The following H6PD variants were observed in gnomAD, a reference collection of about 807,000 sequenced individuals.
H6PD encodes GDH/6PGL endoplasmic bifunctional protein.
In H6PD, 48 loss-of-function variants were observed where a neutral mutation model predicts 61.2. The ratio of observed to expected loss-of-function variants is 0.78; its 90% CI spans 0.62 to 1.00. The LOEUF (loss-of-function observed/expected upper bound fraction) is 1.00, where lower values mean the gene tolerates loss of function less well. H6PD is among the 50% of genes least tolerant of loss of function. H6PD has a pLI of 0.00. For missense variants in H6PD, 1,093 were observed against 1,065.0 expected (o/e 1.03, Z -0.37); for synonymous variants, 480 against 457.9 (o/e 1.05, Z -0.62).
chr1:9,264,785 G>A lies in H6PD; in HGVS notation c.2292G>A (p.Glu764=), dbSNP rs1638498615. Reference sequence around the variant, plus strand: ...CGCTGGTGAGCCGGGTGGGCCATGAGCCCAAGAAGTGGCCCATCTCGGGTG... The same window carrying A: ...CGCTGGTGAGCCGGGTGGGCCATGAACCCAAGAAGTGGCCCATCTCGGGTG... ...ITTLVSRVGH[E]PKKWPISGVL... is the part of the protein sequence containing the mutation. Residue 764 remains glutamate (E), a synonymous_variant, in exon 5 of 5, where the codon GAG becomes GAA. Coordinates refer to ENST00000377403, the MANE Select transcript of H6PD (RefSeq NM_004285.4). 3 of 1,612,970 alleles carry A rather than the reference G, an allele frequency of 1.9e-6. No homozygotes were observed. Among genetic ancestry groups the A allele is most frequent in the African/African-American group, 1.3e-5 (1 of 74,954 alleles).
chr1:9,250,004 G>A (rs1015364027), intron 3 of H6PD, among the ~76,000 whole-genome samples: 1 of 152,200 alleles, frequency 6.6e-6, no homozygotes, highest in African/African-American at 2.4e-5. Flanking sequence ...GTACAGCCCT[G>A]CTGGCCCAAG....
Position 9,264,618 on chromosome 1 carries a change from G to A in H6PD, c.2125G>A (p.Gly709Ser). The A allele has an allele frequency of 6.2e-7, 1 of 1,613,088 alleles. No individual in the cohort carries two copies. Among genetic ancestry groups the A allele is most frequent in the East Asian group, 2.2e-5 (1 of 44,888 alleles). Residue 709 changes from glycine (G) to serine (S), a missense_variant, in exon 5 of 5, where the codon GGC (glycine) becomes AGC (serine). By Grantham distance (56) the Gly-to-Ser change is moderately conservative. Transcript: ENST00000377403. The part of the protein sequence containing the change: ...TASLFPQSPT[G>S]LDGEQLVVLT... Reference sequence around the variant, plus strand: ...CTCCCTCTTCCCACAGTCACCCACTGGCCTGGATGGCGAGCAGCTGGTCGT... The same window carrying A: ...CTCCCTCTTCCCACAGTCACCCACTAGCCTGGATGGCGAGCAGCTGGTCGT...
chr1:9,235,470 C>T (rs1428111873), intron 1 of H6PD, among the ~76,000 whole-genome samples: 2 of 152,122 alleles, frequency 1.3e-5, no homozygotes, highest in African/African-American at 4.8e-5. Context: ...GAAGTGAGAA[C>T]TTCTGGAAAG....
At chr1:9,260,967 C>T (rs527802566) in intron 3 of H6PD, among the ~76,000 whole-genome samples, 98 of 152,168 alleles carry the variant, frequency 6.4e-4, no homozygotes, top group Non-Finnish European at 1.3e-3. Flanking sequence ...ATGTTGGGGG[C>T]CTCCATTTTG....
intron 3 of H6PD, among the ~76,000 whole-genome samples, chr1:9,259,985 T>C (rs534271917): frequency 1.3e-5 from 2 of 152,162 alleles, no homozygotes; most frequent in East Asian, 1.9e-4. Flanking sequence ...ATGTTGTTGT[T>C]ACACTGGTAT....
Position 9,245,949 on chromosome 1 carries a change from CT to C in H6PD, c.627+402del, listed in dbSNP as rs764711857. ...GCTCTCTTCTCCTGCACCCATCCACCTTTTTTTTTTTTTTAGACAGAGTCTG... is the reference window on the plus strand; with the variant it reads ...GCTCTCTTCTCCTGCACCCATCCACCTTTTTTTTTTTTTAGACAGAGTCTG... On this transcript the variant is annotated intron_variant, in intron 2 of 4. Coordinates refer to ENST00000377403, the MANE Select transcript of H6PD (RefSeq NM_004285.4). The surrounding 1 kb of genome is among the most constrained non-coding windows in gnomAD (Gnocchi z 4.8). Among the ~76,000 whole-genome samples, 3,545 of 142,466 alleles carry C rather than the reference CT, an allele frequency of 0.025. 217 individuals carry two copies. In the East Asian group the frequency reaches 0.26, roughly 11 times the overall value. 93.5% of individuals were successfully genotyped at this position (142,466 alleles called of 152,430 possible).
intron 3 of H6PD, among the ~76,000 whole-genome samples, chr1:9,248,465 T>C (rs1641255262): frequency 6.6e-6 from 1 of 152,040 alleles, no homozygotes; most frequent in Non-Finnish European, 1.5e-5. Context: ...TCACGGGTGC[T>C]GTGGGGGGTG....
Position 9,245,127 on chromosome 1 carries a change from G to C in H6PD, c.193G>C (p.Ala65Pro). 1 of 1,614,188 alleles carries C rather than the reference G, an allele frequency of 6.2e-7. No homozygotes were observed. Among genetic ancestry groups the C allele is most frequent in the Admixed American group, 1.7e-5 (1 of 60,014 alleles). The change falls in exon 2 of 5, where the codon GCT (alanine) becomes CCT (proline). Residue 65 changes from alanine (A) to proline (P), a missense_variant. Transcript: ENST00000377403. This position sits in a 1 kb window ranked among gnomAD's most constrained non-coding sequence, Gnocchi z 4.8. The part of the protein sequence containing the change: ...GRGHSFSFHG[A>P]ALTAPKQGQE... ...GGGTCACAGTTTTAGCTTCCATGGAGCTGCTCTGACAGCCCCCAAGCAGGG... is the reference window on the plus strand; with the variant it reads ...GGGTCACAGTTTTAGCTTCCATGGACCTGCTCTGACAGCCCCCAAGCAGGG...
intron 3 of H6PD, among the ~76,000 whole-genome samples, chr1:9,255,061 A>G (rs754779548): frequency 4.6e-5 from 7 of 152,208 alleles, no homozygotes; most frequent in Non-Finnish European, 8.8e-5. Flanking sequence ...ATCTTATTGT[A>G]TAGATATACC....
At position 9,264,834 on chromosome 1, in the gene H6PD, G is replaced by C. The variant is rs761360706; in HGVS notation, c.2341G>C (p.Val781Leu). Residue 781 changes from valine (V) to leucine (L), a missense_variant, in exon 5 of 5, where the codon GTG (valine) becomes CTG (leucine). Val to Leu is a conservative substitution (Grantham distance 32). Transcript: ENST00000377403. ...TGTCCTGCCGCACTCCGGCCAGCTG[G>C]TGTGGTACATGGACTACGACGCCTT... is the stretch of plus-strand genomic sequence containing the variant. ...SGVLPHSGQL[V>L]WYMDYDAFLG 100 of 1,612,418 alleles carry C rather than the reference G, an allele frequency of 6.2e-5. No individual in the cohort carries two copies. Among genetic ancestry groups the C allele is most frequent in the Non-Finnish European group, 2.4e-5 (28 of 1,180,030 alleles).
rs141034012 is a variant in H6PD, at chr1:9,263,989, G to A, written c.1496G>A (p.Arg499His). ...GAGAGCCTGGCCCATAAGGCCCCACGCCTCTACCCTGGAGGAGCTGAGAAT... is the reference window on the plus strand; with the variant it reads ...GAGAGCCTGGCCCATAAGGCCCCACACCTCTACCCTGGAGGAGCTGAGAAT... Reference protein sequence around the residue: ...LLESLAHKAPRLYPGGAENGR... With the variant: ...LLESLAHKAPHLYPGGAENGR... Residue 499 changes from arginine (R) to histidine (H), a missense_variant, in exon 5 of 5, where the codon CGC (arginine) becomes CAC (histidine). Coordinates refer to ENST00000377403, the MANE Select transcript of H6PD (RefSeq NM_004285.4). 643 of 1,614,068 alleles carry A rather than the reference G, an allele frequency of 4.0e-4. 1 individual carries two copies. Among genetic ancestry groups the A allele is most frequent in the South Asian group, 5.3e-4 (48 of 91,090 alleles).
rs148642466 is a variant in H6PD at position 9,245,726 on chromosome 1, GAC to G, written c.627+167_627+168del. 6.6e-5 allele frequency among the ~76,000 whole-genome samples: 10 copies of G among 152,328 alleles called. No individual in the cohort carries two copies. In the East Asian group the frequency reaches 1.9e-3, roughly 29 times the overall value. The stretch of plus-strand genomic sequence containing the variant: ...GCAGGAGGCGAGCGGGTAAAGGAAA[GAC>G]AGCAGCAGGGCAGGACTGTTGGGTC... On this transcript the variant is annotated intron_variant, in intron 2 of 4. Transcript: ENST00000377403. This position sits in a 1 kb window ranked among gnomAD's most constrained non-coding sequence, Gnocchi z 4.8.
Position 9,245,607 on chromosome 1 carries a change from C to T in H6PD, c.627+46C>T, listed in dbSNP as rs142705762. The T allele has an allele frequency of 1.4e-3, 2,222 of 1,591,228 alleles. 25 individuals carry two copies. In the African/African-American group the frequency reaches 0.026, roughly 19 times the overall value. ...TGCCAGGGCTAGGGTGAGCTGGGCGCTGGTAGACCCCAGCAACAAAGCCGC... is the reference window on the plus strand; with the variant it reads ...TGCCAGGGCTAGGGTGAGCTGGGCGTTGGTAGACCCCAGCAACAAAGCCGC... On this transcript the variant is annotated intron_variant, in intron 2 of 4. Transcript: ENST00000377403. The surrounding 1 kb of genome is among the most constrained non-coding windows in gnomAD (Gnocchi z 4.8).
Position 9,263,777 on chromosome 1 carries a change from G to A in H6PD, c.1284G>A (p.Lys428=), listed in dbSNP as rs774483435. The change falls in exon 5 of 5, where the codon AAG becomes AAA. Residue 428 remains lysine (K), a synonymous_variant. Transcript: ENST00000377403. The part of the protein sequence containing the change: ...LFRPSLPSSW[K]EMEGPPGLRL... ...GGCCCTCCCTGCCCTCCAGCTGGAA[G>A]GAAATGGAGGGACCACCTGGGCTCC... is the stretch of plus-strand genomic sequence containing the variant. 5 of 1,613,878 alleles carry A rather than the reference G, an allele frequency of 3.1e-6. No homozygotes were observed. The Admixed American group carries it at 8.3e-5, about 27-fold the overall frequency.
At chr1:9,263,351 G>A (rs1463241492) in intron 4 of H6PD, among the ~76,000 whole-genome samples, 158 bp from the exon 5 acceptor site, 1 of 152,154 alleles carries the variant, frequency 6.6e-6, no homozygotes, top group Non-Finnish European at 1.5e-5. Flanking sequence ...GGAAGAGAAG[G>A]TCATGGAAGA....
chr1:9,237,237 T>TC (rs1491333405), intron 1 of H6PD, among the ~76,000 whole-genome samples: 1 of 67,740 alleles, frequency 1.5e-5, no homozygotes, highest in African/African-American at 8.8e-5. Flanking sequence ...TTGACTTCTC[T>TC]TTTTTTTTTT....
Position 9,265,078 on chromosome 1 carries a change from A to C in H6PD, c.*209A>C, listed in dbSNP as rs750580700. ...TTGGTGGATAGATGCAGAAACAAGGAAGAAATGGAGTCTGCTCCTGAGAAG... is the reference window on the plus strand; with the variant it reads ...TTGGTGGATAGATGCAGAAACAAGGCAGAAATGGAGTCTGCTCCTGAGAAG... On this transcript the variant is annotated 3_prime_UTR_variant, in exon 5 of 5. Transcript: ENST00000377403. 7.6e-5 allele frequency: 48 copies of C among 631,650 alleles called. No individual in the cohort carries two copies. The highest frequency in any genetic ancestry group is 1.2e-4 in the Non-Finnish European group (44 of 353,416). The allele number at this position is 631,650 out of a possible 1,614,324, so 39.1% of individuals were successfully genotyped here. A position where few individuals can be genotyped will look rare whatever the true frequency, so the allele number is the denominator to read the frequency against.
chr1:9,256,715 G>A (rs939025498), intron 3 of H6PD, among the ~76,000 whole-genome samples: 1 of 152,200 alleles, frequency 6.6e-6, no homozygotes, highest in Non-Finnish European at 1.5e-5. Flanking sequence ...TTTACAGAAT[G>A]CATGGAAGAG....
At chr1:9,263,032 C>T (rs1407391185) in intron 4 of H6PD, among the ~76,000 whole-genome samples, 2 of 152,140 alleles carry the variant, frequency 1.3e-5, no homozygotes, top group Non-Finnish European at 2.9e-5. Context: ...ACCCCACCCA[C>T]GGGCCTCTGC....
Sources: gnomAD v4.1 joint callset for allele counts (sites outside exome capture counted in the v4.1 genomes callset) on GRCh38, gnomAD v4.1.1 for gene constraint, Gnocchi (gnomAD v3.1) non-coding constraint, MANE v1.5 for transcripts, NCBI Gene and HGNC (gene_info 2026-07-23, HGNC 2026-07-21) for gene names.